CCDC91: variants seen among roughly 807,000 people sequenced by gnomAD.
CCDC91 encodes coiled-coil domain containing 91.
Under a neutral mutation model 63.2 loss-of-function variants are expected in CCDC91, and 48 were observed. The ratio of observed to expected loss-of-function variants is 0.76; its 90% confidence interval spans 0.60 to 0.97. The LOEUF is 0.97. CCDC91 is among the 50% of genes least tolerant of loss of function. CCDC91 has a pLI of 0.00. For synonymous variants in CCDC91, 167 were observed against 165.8 expected (o/e 1.01, Z -0.06); for missense variants, 500 against 494.6 (o/e 1.01, Z -0.10).
chr12:28,375,072 AGAC>A (rs1944860346), intron 7 of CCDC91, among the ~76,000 whole-genome samples: 1 of 151,948 alleles, frequency 6.6e-6, no homozygotes, highest in Non-Finnish European at 1.5e-5. Flanking sequence ...TTTTGAATTC[AGAC>A]AGACCTGGAT....
intron 12 of CCDC91, among the ~76,000 whole-genome samples, chr12:28,538,882 T>C (rs1383742789): frequency 6.6e-6 from 1 of 152,230 alleles, no homozygotes; most frequent in Non-Finnish European, 1.5e-5. Flanking sequence ...TTTTCATGTG[T>C]CTTTTGGCTG....
Position 28,375,717 on chromosome 12 carries a change from A to G in CCDC91, c.654+13202A>G, listed in dbSNP as rs1388000947. ...TACATAGGCACATGCCACATCGAAG[A>G]TTGTTTACTGCAAGCAACATAAGAA... On this transcript the variant is annotated intron_variant, in intron 7 of 12. Transcript: ENST00000536442. Among the ~76,000 whole-genome samples the G allele has an allele frequency of 3.9e-5, 6 of 152,038 alleles. No individual in the cohort carries two copies. The South Asian group carries it at 1.0e-3, about 26-fold the overall frequency.
intron 8 of CCDC91, among the ~76,000 whole-genome samples, chr12:28,410,296 T>C (rs944550161): frequency 7.9e-5 from 12 of 152,218 alleles, no homozygotes; most frequent in African/African-American, 2.9e-4. Flanking sequence ...TCTCTAGTAA[T>C]ATTATTTCCT....
At chr12:28,364,556 C>G (rs1281999468) in intron 7 of CCDC91, among the ~76,000 whole-genome samples, 1 of 151,948 alleles carries the variant, frequency 6.6e-6, no homozygotes, top group East Asian at 1.9e-4. Flanking sequence ...TTATTTTATC[C>G]CTAACGCTGA....
chr12:28,481,980 G>A (rs1045670506), intron 11 of CCDC91, among the ~76,000 whole-genome samples: 5 of 151,786 alleles, frequency 3.3e-5, no homozygotes, highest in African/African-American at 1.2e-4. Context: ...TAGTTAATAT[G>A]TTTCTTATGA....
At chr12:28,336,938 G>T (rs1942028415) in intron 6 of CCDC91, among the ~76,000 whole-genome samples, 1 of 151,978 alleles carries the variant, frequency 6.6e-6, no homozygotes. Flanking sequence ...AAAGTTAACT[G>T]AAGACAATAT....
At chr12:28,378,006 T>G (rs1449151467) in intron 7 of CCDC91, among the ~76,000 whole-genome samples, 1 of 152,030 alleles carries the variant, frequency 6.6e-6, no homozygotes, top group African/African-American at 2.4e-5. Flanking sequence ...TTCTGATATT[T>G]TTCTCTTCCT....
intron 8 of CCDC91, among the ~76,000 whole-genome samples, chr12:28,441,648 CATATGTGTAT>C (rs1949219756): frequency 1.4e-5 from 2 of 146,780 alleles, no homozygotes; most frequent in African/African-American, 5.2e-5. Flanking sequence ...ATCTCTCTCT[CATATGTGTAT>C]ATATATATAT....
intron 8 of CCDC91, among the ~76,000 whole-genome samples, chr12:28,425,713 A>G (rs535262747): frequency 1.3e-5 from 2 of 152,272 alleles, no homozygotes; most frequent in East Asian, 3.9e-4. Context: ...AGCTCCTGCT[A>G]ATACTTAAGC....
chr12:28,375,883 T>C (rs1307509368), intron 7 of CCDC91, among the ~76,000 whole-genome samples: 1 of 151,902 alleles, frequency 6.6e-6, no homozygotes, highest in Admixed American at 6.6e-5. Flanking sequence ...TTATGTAGAG[T>C]ATCATATTTT....
chr12:28,494,471 C>G (rs1952177272), intron 12 of CCDC91, among the ~76,000 whole-genome samples: 1 of 151,718 alleles, frequency 6.6e-6, no homozygotes, highest in Non-Finnish European at 1.5e-5. Flanking sequence ...TATGCAAGAT[C>G]ACTGGACCTC....
rs761923066 is a variant in CCDC91, at chr12:28,245,959, A to G, written c.-14-11243A>G. Among the ~76,000 whole-genome samples the G allele has an allele frequency of 2.0e-5, 3 of 152,326 alleles. No homozygotes were observed. The South Asian group carries it at 6.2e-4, about 32-fold the overall frequency. On this transcript the variant is annotated intron_variant, in intron 1 of 12. Transcript: ENST00000536442. ...GTATAAACAAAAGTAGATGTATTGAAAAATGTTCACAGCATTTCTGGTCTC... is the reference window on the plus strand; with the variant it reads ...GTATAAACAAAAGTAGATGTATTGAGAAATGTTCACAGCATTTCTGGTCTC...
chr12:28,500,370 T>C (rs899773588), intron 12 of CCDC91, among the ~76,000 whole-genome samples: 15 of 151,804 alleles, frequency 9.9e-5, no homozygotes, highest in Admixed American at 2.0e-4. Flanking sequence ...TGTCAATTTT[T>C]GCTTTTGTTG....
intron 8 of CCDC91, among the ~76,000 whole-genome samples, chr12:28,401,976 A>G (rs1460583650): frequency 6.6e-6 from 1 of 152,126 alleles, no homozygotes; most frequent in Non-Finnish European, 1.5e-5. Context: ...ATTTATAGAA[A>G]AGACTATCGA....
intron 6 of CCDC91, among the ~76,000 whole-genome samples, chr12:28,360,611 T>C (rs753913810): frequency 3.9e-5 from 6 of 152,232 alleles, no homozygotes; most frequent in Non-Finnish European, 8.8e-5. Context: ...TGAGATGTAT[T>C]CTTTATGTCA....
At chr12:28,249,547 T>G (rs1166855067) in intron 1 of CCDC91, among the ~76,000 whole-genome samples, 1 of 152,158 alleles carries the variant, frequency 6.6e-6, no homozygotes, top group Non-Finnish European at 1.5e-5. Flanking sequence ...ATGAAGTTTT[T>G]CCCTGATGAG....
At chr12:28,253,910 CTCTTT>C (rs950038147) in intron 1 of CCDC91, among the ~76,000 whole-genome samples, 9 of 152,068 alleles carry the variant, frequency 5.9e-5, no homozygotes, top group Non-Finnish European at 1.2e-4. Context: ...ATTTTTTCTT[CTCTTT>C]TGAGACTCTT....
intron 1 of CCDC91, among the ~76,000 whole-genome samples, chr12:28,253,973 C>A (rs186502931): frequency 6.6e-6 from 1 of 152,100 alleles, no homozygotes; most frequent in African/African-American, 2.4e-5. Context: ...ACACTCTGCC[C>A]TCCTCTGTAC....
At chr12:28,236,492 T>C (rs1211827973) in intron 1 of CCDC91, 1 of 152,014 alleles carries the variant, frequency 6.6e-6, no homozygotes, top group African/African-American at 2.4e-5. Flanking sequence ...TATGGTAATA[T>C]ATCTTTTCTT....
Sources: gnomAD v4.1 joint callset for allele counts (sites outside exome capture counted in the v4.1 genomes callset) on GRCh38, gnomAD v4.1.1 for gene constraint, MANE v1.5 for transcripts, NCBI Gene and HGNC (gene_info 2026-07-23, HGNC 2026-07-21) for gene names.